The following ENTREP2 variants were observed in gnomAD, a reference collection of about 807,000 sequenced individuals.
ENTREP2 encodes endosomal transmembrane epsin interactor 2.
At chr15:29,307,492 A>G in the ENTREP2 span, among the ~76,000 whole-genome samples, 2 of 152,240 alleles carry the variant, frequency 1.3e-5, no homozygotes, top group African/African-American at 4.8e-5. Context: ...TGAAATATGA[A>G]CATAGCAAAA....
the ENTREP2 span, among the ~76,000 whole-genome samples, chr15:29,490,410 T>G: frequency 6.6e-6 from 1 of 152,346 alleles, no homozygotes; most frequent in African/African-American, 2.4e-5. Context: ...CCCAAACAGT[T>G]TGCGGCTGCT....
chr15:29,623,693 C>T, the ENTREP2 span, among the ~76,000 whole-genome samples: 1 of 152,054 alleles, frequency 6.6e-6, no homozygotes, highest in Admixed American at 6.6e-5. Flanking sequence ...CAAGAAGGTG[C>T]TAAAAGGAGG....
chr15:29,386,148 G>C, the ENTREP2 span, among the ~76,000 whole-genome samples: 1 of 152,132 alleles, frequency 6.6e-6, no homozygotes, highest in African/African-American at 2.4e-5. Flanking sequence ...GATTTTTCCT[G>C]TACACTAGGG....
the ENTREP2 span, among the ~76,000 whole-genome samples, chr15:29,421,714 C>G: frequency 6.6e-6 from 1 of 152,158 alleles, no homozygotes; most frequent in African/African-American, 2.4e-5. Context: ...AACAGCTGAT[C>G]ATTTTACATT....
the ENTREP2 span, among the ~76,000 whole-genome samples, chr15:29,420,277 G>T: frequency 2.0e-5 from 3 of 152,160 alleles, no homozygotes; most frequent in East Asian, 5.8e-4. Flanking sequence ...AAGGTTATGT[G>T]GGAGGGGAAG....
At chr15:29,521,259 T>A in the ENTREP2 span, among the ~76,000 whole-genome samples, 4 of 152,292 alleles carry the variant, frequency 2.6e-5, no homozygotes, top group African/African-American at 4.8e-5. Flanking sequence ...CCAATCAACA[T>A]CCCAGCAGGC....
chr15:29,151,660 T>C, the ENTREP2 span: 7 of 1,218,106 alleles, frequency 5.7e-6, no homozygotes, highest in Non-Finnish European at 8.3e-6. Flanking sequence ...TCACAGCATC[T>C]GGCTGAAGCC....
At chr15:29,177,452 T>TATC in the ENTREP2 span, among the ~76,000 whole-genome samples, 9 of 152,266 alleles carry the variant, frequency 5.9e-5, no homozygotes, top group African/African-American at 2.2e-4. Flanking sequence ...CAGGTGTGAC[T>TATC]ATCAGTTTTC....
At chr15:29,318,405 C>T in the ENTREP2 span, among the ~76,000 whole-genome samples, 1 of 152,090 alleles carries the variant, frequency 6.6e-6, no homozygotes, top group Non-Finnish European at 1.5e-5. Flanking sequence ...ACTGCAAGCT[C>T]CGCCTCCTGG....
chr15:29,443,553 G>T, the ENTREP2 span, among the ~76,000 whole-genome samples: 1 of 152,104 alleles, frequency 6.6e-6, no homozygotes, highest in Non-Finnish European at 1.5e-5. Flanking sequence ...CTGGGGGCTG[G>T]ATAAGTGAGC....
At chr15:29,520,293 C>T in the ENTREP2 span, among the ~76,000 whole-genome samples, 1 of 152,160 alleles carries the variant, frequency 6.6e-6, no homozygotes, top group Non-Finnish European at 1.5e-5. Context: ...AAATAATATT[C>T]TCCATAAATA....
At chr15:29,248,564 T>C in the ENTREP2 span, among the ~76,000 whole-genome samples, 3 of 152,134 alleles carry the variant, frequency 2.0e-5, no homozygotes, top group Non-Finnish European at 2.9e-5. Flanking sequence ...AAAATATAAA[T>C]GGTGCATAAA....
chr15:29,400,885 C>T, the ENTREP2 span, among the ~76,000 whole-genome samples: 1 of 152,208 alleles, frequency 6.6e-6, no homozygotes. Flanking sequence ...GGAGTCCCGT[C>T]CCCATCCCAG....
the ENTREP2 span, among the ~76,000 whole-genome samples, chr15:29,571,599 G>A: frequency 6.6e-6 from 1 of 152,090 alleles, no homozygotes; most frequent in Non-Finnish European, 1.5e-5. Flanking sequence ...CCCACCTTTG[G>A]TTTGCATGCT....
At chr15:29,293,404 T>C in the ENTREP2 span, among the ~76,000 whole-genome samples, 14 of 149,736 alleles carry the variant, frequency 9.3e-5, no homozygotes, top group Non-Finnish European at 1.3e-4. Flanking sequence ...CCCGCCACCA[T>C]GCCTGGCTAA....
chr15:29,293,326 C>T, the ENTREP2 span, among the ~76,000 whole-genome samples: 1 of 152,102 alleles, frequency 6.6e-6, no homozygotes, highest in Non-Finnish European at 1.5e-5. Context: ...TCTCGGCTCA[C>T]TGCAAGCTCC....
chr15:29,423,314 T>C, the ENTREP2 span, among the ~76,000 whole-genome samples: 1 of 152,192 alleles, frequency 6.6e-6, no homozygotes, highest in Non-Finnish European at 1.5e-5. Flanking sequence ...TAGGGTTTTT[T>C]TCCTTCACAA....
At chr15:29,457,740 G>T in the ENTREP2 span, among the ~76,000 whole-genome samples, 79 of 152,316 alleles carry the variant, frequency 5.2e-4, no homozygotes, top group African/African-American at 1.8e-3. Flanking sequence ...AGTGTCACAC[G>T]GGAGAGACAC....
the ENTREP2 span, among the ~76,000 whole-genome samples, chr15:29,554,931 T>C: frequency 1.3e-5 from 2 of 152,200 alleles, no homozygotes; most frequent in African/African-American, 2.4e-5. Context: ...ATGACAAAAA[T>C]GAGATACACA....
Sources: allele counts gnomAD v4.1 joint callset (sites outside exome capture counted in the v4.1 genomes callset), GRCh38; gene constraint gnomAD v4.1.1; transcripts MANE v1.5; gene names NCBI Gene and HGNC (gene_info 2026-07-23, HGNC 2026-07-21).